Variants in SETD5 observed in about 807,000 individuals in gnomAD.
The protein encoded by SETD5 is histone-lysine N-methyltransferase SETD5.
Under a neutral mutation model 153.3 loss-of-function variants are expected in SETD5, and 44 were observed. The ratio of observed to expected loss-of-function variants is 0.29; its 90% CI spans 0.23 to 0.37. The LOEUF (loss-of-function observed/expected upper bound fraction) is 0.37. Ranked by LOEUF, SETD5 falls within the 10% of genes least tolerant of loss-of-function variation. The pLI is 1.00. For synonymous variants in SETD5, 716 were observed against 645.2 expected (o/e 1.11, Z -1.66); for missense variants, 1,544 against 1,768.0 (o/e 0.87, Z 2.27).
rs368387515 is a variant in SETD5 at position 9,442,112 on chromosome 3, T to C, written c.960-16T>C. The C allele has an allele frequency of 8.4e-6, 13 of 1,548,198 alleles. No individual in the cohort carries two copies. The highest frequency in any genetic ancestry group is 6.8e-5 in the African/African-American group (5 of 73,830). On this transcript the variant is annotated splice_polypyrimidine_tract_variant and intron_variant, in intron 9 of 22. Transcript: ENST00000402198. The stretch of plus-strand genomic sequence containing the variant: ...ATTTGTGTTGAGAATTACAGGAATT[T>C]TAATTGTATCCCTAGACCATACCCC...
intron 16 of SETD5, among the ~76,000 whole-genome samples, chr3:9,450,108 A>G (rs2042449329): frequency 6.6e-6 from 1 of 152,226 alleles, no homozygotes; most frequent in African/African-American, 2.4e-5. Flanking sequence ...ACGAAAACCA[A>G]AAACGTGTCT....
At chr3:9,417,826 T>C (rs980215074) in intron 1 of SETD5, among the ~76,000 whole-genome samples, 2 of 151,646 alleles carry the variant, frequency 1.3e-5, no homozygotes, top group African/African-American at 4.8e-5. Flanking sequence ...TTTATTTTTT[T>C]CCCCACATAT....
At chr3:9,474,780 C>G in intron 21 of SETD5, 198 bp downstream of exon 21, 1 of 718,754 alleles carries the variant, frequency 1.4e-6, no homozygotes, top group East Asian at 2.7e-5. Context: ...TCTGTCTGCT[C>G]TTTTTTCCCC....
chr3:9,444,696 GC>G (rs1488039328), intron 11 of SETD5, among the ~76,000 whole-genome samples: 1 of 151,764 alleles, frequency 6.6e-6, no homozygotes, highest in Non-Finnish European at 1.5e-5. Flanking sequence ...TTCAAGACCA[GC>G]CTAGACAACA....
At chr3:9,472,407 G>A (rs764266378) in intron 19 of SETD5, among the ~76,000 whole-genome samples, 3 of 152,258 alleles carry the variant, frequency 2.0e-5, no homozygotes, top group South Asian at 2.1e-4. Context: ...GGCAGGGCAC[G>A]GATTATGGTG....
chr3:9,435,740 G>T lies in SETD5; in HGVS notation c.401G>T (p.Ser134Ile). The T allele has an allele frequency of 6.3e-7, 1 of 1,596,910 alleles. No individual in the cohort carries two copies. The highest frequency in any genetic ancestry group is 8.5e-7 in the Non-Finnish European group (1 of 1,172,988). The change falls in exon 7 of 23, where the codon AGT becomes ATT. Residue 134 changes from serine to isoleucine, a missense_variant. Coordinates refer to ENST00000402198, the MANE Select transcript of SETD5 (RefSeq NM_001080517.3). Reference sequence around the variant, plus strand: ...CATCATTTTTCAGGTGGGGATAGCAGTGCAACAGAAAGCTGGGATGAGGAG... The same window carrying T: ...CATCATTTTTCAGGTGGGGATAGCATTGCAACAGAAAGCTGGGATGAGGAG... The part of the protein sequence containing the change: ...KQDNISGGDS[S>I]ATESWDEELS...
At chr3:9,447,368 A>T in intron 14 of SETD5, 61 bp downstream of exon 14, 1 of 1,544,346 alleles carries the variant, frequency 6.5e-7, no homozygotes, top group Non-Finnish European at 8.7e-7. Flanking sequence ...TCAATACCTA[A>T]CTTTTGGAAT....
At chr3:9,431,244 A>C (rs1161747617) in intron 3 of SETD5, 7 of 985,290 alleles carry the variant, frequency 7.1e-6, no homozygotes, top group Non-Finnish European at 8.4e-6. Flanking sequence ...ACCATAACAG[A>C]ATTTCAGGCA....
At chr3:9,464,390 GT>G in intron 17 of SETD5, 34 bp from the exon 18 acceptor site, 1 of 1,590,254 alleles carries the variant, frequency 6.3e-7, no homozygotes, top group South Asian at 1.1e-5. Flanking sequence ...TTAATCTGTG[GT>G]TTCAAACTCT....
At chr3:9,409,957 A>G (rs1423351026) in intron 1 of SETD5, among the ~76,000 whole-genome samples, 1 of 152,180 alleles carries the variant, frequency 6.6e-6, no homozygotes, top group Non-Finnish European at 1.5e-5. Context: ...ATTACTGGAA[A>G]GTGGCTTTTT....
At position 9,410,474 on chromosome 3, in the gene SETD5, C is replaced by T. The variant is rs76693466; in HGVS notation, c.-177+12497C>T. On this transcript the variant is annotated intron_variant, in intron 1 of 22. Coordinates refer to ENST00000402198, the MANE Select transcript of SETD5 (RefSeq NM_001080517.3). The stretch of plus-strand genomic sequence containing the variant: ...GATACACAGTGAGGTTAATTTGTTA[C>T]ATTTTACTTTCAGATTTTTCAGGGA... 1.1e-3 allele frequency among the ~76,000 whole-genome samples: 173 copies of T among 152,302 alleles called. 3 individuals are homozygous for T. The East Asian group carries it at 0.031, about 27-fold the overall frequency.
chr3:9,466,699 C>T (rs2044623772), intron 18 of SETD5, among the ~76,000 whole-genome samples: 1 of 152,070 alleles, frequency 6.6e-6, no homozygotes, highest in African/African-American at 2.4e-5. Context: ...GGCTGTGACA[C>T]ATTGTGAAAT....
intron 16 of SETD5, among the ~76,000 whole-genome samples, chr3:9,450,048 G>T (rs1276261109): frequency 6.6e-6 from 1 of 152,212 alleles, no homozygotes; most frequent in Admixed American, 6.5e-5. Context: ...TAATTCTAAT[G>T]CTGGGTTGCA....
At position 9,476,177 on chromosome 3, in the gene SETD5, C is replaced by G; in HGVS notation, c.*86C>G. 1 of 1,488,632 alleles carries G rather than the reference C, an allele frequency of 6.7e-7. No homozygotes were observed. Among genetic ancestry groups the G allele is most frequent in the Non-Finnish European group, 9.0e-7 (1 of 1,114,700 alleles). The allele number at this position is 1,488,632 out of a possible 1,614,324, so 92.2% of individuals were successfully genotyped here. The stretch of plus-strand genomic sequence containing the variant: ...TCTGGAACCTAGGCCGAGCATATTG[C>G]TGAGGAACGGGGGGTACAAGGTGCC... On this transcript the variant is annotated 3_prime_UTR_variant, in exon 23 of 23. Coordinates refer to ENST00000402198, the MANE Select transcript of SETD5 (RefSeq NM_001080517.3).
In SETD5 at chr3:9,477,518, TC is replaced by T. The variant is rs2045915461; in HGVS notation, c.*1430del. 6.6e-6 allele frequency: 1 copy of T among 152,548 alleles called. No homozygotes were observed. Among genetic ancestry groups the T allele is most frequent in the African/African-American group, 2.4e-5 (1 of 41,362 alleles). 9.4% of individuals were successfully genotyped at this position (152,548 alleles called of 1,614,324 possible). A position where few individuals can be genotyped will look rare whatever the true frequency, so the allele number is the denominator to read the frequency against. ...AATACTGTGAGTTTCCCTCCTTCCT[TC>T]CCTCTAATTTGTTTTCCTTTTTTCC... is the stretch of plus-strand genomic sequence containing the variant. On this transcript the variant is annotated 3_prime_UTR_variant, in exon 23 of 23. Coordinates refer to ENST00000402198, the MANE Select transcript of SETD5 (RefSeq NM_001080517.3).
chr3:9,437,504 G>A (rs960727410), intron 7 of SETD5, among the ~76,000 whole-genome samples: 1 of 139,294 alleles, frequency 7.2e-6, no homozygotes, highest in Non-Finnish European at 1.5e-5. Context: ...TGATTATGCT[G>A]TCTGGTATCC....
chr3:9,426,544 G>A (rs1490702828), intron 2 of SETD5, among the ~76,000 whole-genome samples: 1 of 151,780 alleles, frequency 6.6e-6, no homozygotes, highest in Non-Finnish European at 1.5e-5. Flanking sequence ...TTACCAGCGT[G>A]TGCCACTACA....
chr3:9,414,737 C>A (rs375262573), intron 1 of SETD5, among the ~76,000 whole-genome samples: 1 of 151,940 alleles, frequency 6.6e-6, no homozygotes, highest in East Asian at 1.9e-4. Context: ...AAGTGTTTTT[C>A]TCCAAAAGAT....
At position 9,476,306 on chromosome 3, in the gene SETD5, G is replaced by T; in HGVS notation, c.*215G>T. 1 of 613,154 alleles carries T rather than the reference G, an allele frequency of 1.6e-6. No individual in the cohort carries two copies. Among genetic ancestry groups the T allele is most frequent in the Non-Finnish European group, 2.8e-6 (1 of 361,420 alleles). 38.0% of individuals were successfully genotyped at this position (613,154 alleles called of 1,614,324 possible). ...TGTCTGAAGCAGAGACTATAAAGAAGTTTCTCCCTGCTGTCAAGGGTACAT... is the reference window on the plus strand; with the variant it reads ...TGTCTGAAGCAGAGACTATAAAGAATTTTCTCCCTGCTGTCAAGGGTACAT... On this transcript the variant is annotated 3_prime_UTR_variant, in exon 23 of 23. Coordinates refer to ENST00000402198, the MANE Select transcript of SETD5 (RefSeq NM_001080517.3).
Sources: allele counts gnomAD v4.1 joint callset (sites outside exome capture counted in the v4.1 genomes callset), GRCh38; gene constraint gnomAD v4.1.1; transcripts MANE v1.5; gene names NCBI Gene and HGNC (gene_info 2026-07-23, HGNC 2026-07-21).